Variants in TSPEAR observed in about 807,000 individuals in gnomAD.
TSPEAR encodes the protein thrombospondin type laminin G domain and EAR repeats, also known as thrombospondin-type laminin G domain and EAR repeat-containing protein.
A neutral mutation model predicts 71.6 loss-of-function variants in TSPEAR; 69 were observed. The ratio of observed to expected loss-of-function variants is 0.96; its 90% CI spans 0.79 to 1.18. The LOEUF is 1.18. Among genes scored for constraint, TSPEAR ranks in the 50% most tolerant of loss-of-function variants. The probability of loss-of-function intolerance (pLI) is 0.00; values close to 1 mark genes in which losing one functional copy is unlikely to be tolerated. For missense variants in TSPEAR, 971 were observed against 894.9 expected (o/e 1.09, Z -1.09); for synonymous variants, 402 against 387.2 (o/e 1.04, Z -0.45).
rs1978753390 is a variant in TSPEAR, at chr21:44,579,739, G to A, written c.83-11734C>T. The A allele has an allele frequency of 3.8e-6, 6 of 1,598,052 alleles. No homozygotes were observed. In the East Asian group the frequency reaches 8.9e-5, roughly 24 times the overall value. On this transcript the variant is annotated intron_variant, in intron 1 of 11. Coordinates refer to ENST00000323084, the MANE Select transcript of TSPEAR (RefSeq NM_144991.3). The stretch of plus-strand genomic sequence containing the variant: ...CTGGGGGATGTGCACATCAGCAACT[G>A]GACTCCTGGCCTGAGCAGAGGCCTC...
intron 1 of TSPEAR, among the ~76,000 whole-genome samples, chr21:44,649,775 C>T (rs1293852133): frequency 3.3e-5 from 5 of 152,208 alleles, no homozygotes; most frequent in African/African-American, 9.6e-5. Flanking sequence ...GGGCTGTGTC[C>T]TGAAGAGGCC....
intron 4 of TSPEAR, among the ~76,000 whole-genome samples, chr21:44,530,227 C>A (rs1483958699): frequency 6.9e-6 from 1 of 144,960 alleles, no homozygotes; most frequent in East Asian, 2.0e-4. Context: ...GCTCATCCAA[C>A]AGCCCATCCA....
intron 1 of TSPEAR, among the ~76,000 whole-genome samples, chr21:44,648,697 G>A (rs1324250856): frequency 6.6e-6 from 1 of 152,194 alleles, no homozygotes; most frequent in Admixed American, 6.5e-5. Context: ...CGCACCCAGG[G>A]CCGCAGCCTC....
chr21:44,637,469 C>T (rs782104365), intron 1 of TSPEAR: 22 of 1,612,982 alleles, frequency 1.4e-5, no homozygotes, highest in East Asian at 4.5e-5. Flanking sequence ...TGACTCTTGG[C>T]GGGTAGTCGA....
chr21:44,518,149 A>C, intron 9 of TSPEAR: 1 of 365,878 alleles, frequency 2.7e-6, no homozygotes. Context: ...TCGTAAGTGC[A>C]GTATCATCTT....
At chr21:44,634,351 C>T (rs1555936227) in intron 1 of TSPEAR, among the ~76,000 whole-genome samples, 1 of 152,080 alleles carries the variant, frequency 6.6e-6, no homozygotes, top group Admixed American at 6.6e-5. Context: ...GATCAAAGCC[C>T]TACATATATG....
chr21:44,651,155 C>T (rs782147969), intron 1 of TSPEAR, among the ~76,000 whole-genome samples: 3 of 152,152 alleles, frequency 2.0e-5, no homozygotes, highest in African/African-American at 2.4e-5. Context: ...GGACAGGCCA[C>T]GAGCGGGAGA....
intron 1 of TSPEAR, among the ~76,000 whole-genome samples, chr21:44,602,595 G>C (rs1166534592): frequency 1.3e-5 from 2 of 152,248 alleles, no homozygotes; most frequent in African/African-American, 2.4e-5. Flanking sequence ...CTGGGCCTGA[G>C]CTGTTTGTAC....
At chr21:44,518,250 C>T (rs1555913743) in intron 9 of TSPEAR, 1 of 460,804 alleles carries the variant, frequency 2.2e-6, no homozygotes. Flanking sequence ...TTTAGCCTGA[C>T]TCCTGCAGTT....
intron 2 of TSPEAR, among the ~76,000 whole-genome samples, chr21:44,535,934 C>A (rs2053084189): frequency 6.7e-6 from 1 of 149,340 alleles, no homozygotes; most frequent in Admixed American, 6.6e-5. Context: ...AAAAAACTAT[C>A]TATGGGGCTA....
intron 2 of TSPEAR, among the ~76,000 whole-genome samples, chr21:44,553,288 A>T (rs1445472105): frequency 2.0e-5 from 3 of 152,230 alleles, no homozygotes; most frequent in Admixed American, 6.5e-5. Context: ...CAGGACTAGA[A>T]GCCAGCCGGT....
Position 44,647,308 on chromosome 21 carries a change from C to CG in TSPEAR, c.82+64124dup, listed in dbSNP as rs148239295. ...CCTCCTCTGCCGCCCCGCAAGCTCC[C>CG]GCCTGGCCTGCTACAGCCTCTGCTC... is the stretch of plus-strand genomic sequence containing the variant. On this transcript the variant is annotated intron_variant, in intron 1 of 11. Coordinates refer to ENST00000323084, the MANE Select transcript of TSPEAR (RefSeq NM_144991.3). 828 of 1,613,946 alleles carry CG rather than the reference C, an allele frequency of 5.1e-4. 3 individuals carry two copies. In the African/African-American group the frequency reaches 9.8e-3, roughly 19 times the overall value.
chr21:44,681,951 A>T, intron 1 of TSPEAR: 1 of 1,613,748 alleles, frequency 6.2e-7, no homozygotes, highest in Non-Finnish European at 8.5e-7. Flanking sequence ...CCTGCAGCTC[A>T]CGGGCACGCA....
chr21:44,675,777 G>C, intron 1 of TSPEAR: 1 of 540,410 alleles, frequency 1.9e-6, no homozygotes, highest in Non-Finnish European at 3.3e-6. Context: ...CTCATGTCTA[G>C]ACAATTCTGG....
At chr21:44,528,069 G>A (rs2052893250) in intron 6 of TSPEAR, among the ~76,000 whole-genome samples, 1 of 152,192 alleles carries the variant, frequency 6.6e-6, no homozygotes, top group South Asian at 2.1e-4. Context: ...GGCAGGCATT[G>A]TCTTCCCATG....
At chr21:44,502,910 CG>C (rs2052066105) in intron 11 of TSPEAR, among the ~76,000 whole-genome samples, 1 of 131,322 alleles carries the variant, frequency 7.6e-6, no homozygotes, top group African/African-American at 2.9e-5. Flanking sequence ...GGAAGTAAGG[CG>C]CTGGGAGGAA....
chr21:44,643,656 T>A (rs782097505), intron 1 of TSPEAR, among the ~76,000 whole-genome samples: 1 of 152,162 alleles, frequency 6.6e-6, no homozygotes, highest in Non-Finnish European at 1.5e-5. Context: ...ACTCATAAAA[T>A]AGAAGCAGAA....
intron 1 of TSPEAR, chr21:44,697,317 C>A: frequency 3.7e-6 from 6 of 1,613,468 alleles, no homozygotes; most frequent in Non-Finnish European, 4.2e-6. Flanking sequence ...TGCTGTGAGC[C>A]CCCCTGCTGC....
rs587773866 is a variant in TSPEAR at position 44,651,194 on chromosome 21, G to C, written c.82+60239C>G. Among the ~76,000 whole-genome samples, 41 of 152,274 alleles carry C rather than the reference G, an allele frequency of 2.7e-4. No individual in the cohort carries two copies. In the Middle Eastern group the frequency reaches 0.014, roughly 51 times the overall value. ...AGGCCGAAGCCCTGGCAAGCAGAGA[G>C]AGTGACAGCCCAGTCACCACAGGTC... On this transcript the variant is annotated intron_variant, in intron 1 of 11. Transcript: ENST00000323084.
Sources: gnomAD v4.1 joint callset for allele counts (sites outside exome capture counted in the v4.1 genomes callset) on GRCh38, gnomAD v4.1.1 for gene constraint, MANE v1.5 for transcripts, NCBI Gene and HGNC (gene_info 2026-07-23, HGNC 2026-07-21) for gene names.